The following PTCHD4 variants were observed in gnomAD, a reference collection of about 807,000 sequenced individuals.
PTCHD4 encodes the protein patched domain-containing protein 4.
Under a neutral mutation model 58.1 loss-of-function variants are expected in PTCHD4, and 33 were observed. The observed-to-expected ratio is 0.57, with a 90% confidence interval of 0.43 to 0.76. The LOEUF (loss-of-function observed/expected upper bound fraction) is 0.76, where lower values mean the gene tolerates loss of function less well. PTCHD4 is among the 30% of genes least tolerant of loss of function. The probability of loss-of-function intolerance (pLI) is 0.00; values close to 1 mark genes in which losing one functional copy is unlikely to be tolerated. For missense variants in PTCHD4, 1,058 were observed against 1,027.1 expected, an observed-to-expected ratio of 1.03 and a Z score of -0.41; for synonymous variants, 478 against 409.6, an observed-to-expected ratio of 1.17 and a Z score of -2.02.
chr6:48,003,550 T>C (rs1768821296), intron 4 of PTCHD4, among the ~76,000 whole-genome samples: 1 of 152,212 alleles, frequency 6.6e-6, no homozygotes, highest in Admixed American at 6.5e-5. Flanking sequence ...ACATCACCAT[T>C]ATATCCCACG....
intron 4 of PTCHD4, among the ~76,000 whole-genome samples, chr6:47,916,632 C>G (rs571523617): frequency 2.0e-5 from 3 of 151,836 alleles, no homozygotes; most frequent in Non-Finnish European, 4.4e-5. Context: ...TTCTGAACCC[C>G]CAGTTCAGAC....
intron 4 of PTCHD4, among the ~76,000 whole-genome samples, chr6:47,998,443 A>G (rs1048878532): frequency 6.6e-6 from 1 of 152,218 alleles, no homozygotes; most frequent in Non-Finnish European, 1.5e-5. Flanking sequence ...GCTACTCTCA[A>G]GATAAACAAG....
Position 48,099,225 on chromosome 6 carries a change from C to G in PTCHD4, c.-970+11824G>C, listed in dbSNP as rs117447691. 7.9e-5 allele frequency among the ~76,000 whole-genome samples: 12 copies of G among 152,312 alleles called. No homozygotes were observed. The East Asian group carries it at 2.3e-3, about 29-fold the overall frequency. On this transcript the variant is annotated intron_variant, in intron 1 of 4. Coordinates refer to ENST00000339488, the MANE Select transcript of PTCHD4 (RefSeq NM_001384253.1). ...TCCAAATAGTGGTCGCCAGCCTGCACAATTCCAGCCCTTAAAGGGATACCT... is the reference window on the plus strand; with the variant it reads ...TCCAAATAGTGGTCGCCAGCCTGCAGAATTCCAGCCCTTAAAGGGATACCT...
At chr6:47,983,476 T>C (rs1767957467) in intron 4 of PTCHD4, among the ~76,000 whole-genome samples, 1 of 152,174 alleles carries the variant, frequency 6.6e-6, no homozygotes, top group African/African-American at 2.4e-5. Flanking sequence ...TAAAACAGTT[T>C]TGAAAAAAAG....
intron 4 of PTCHD4, among the ~76,000 whole-genome samples, chr6:47,966,044 T>C (rs1175867705): frequency 1.3e-5 from 2 of 152,226 alleles, no homozygotes; most frequent in Admixed American, 6.5e-5. Context: ...AAGAGATAGA[T>C]GACATACTTC....
In PTCHD4 at chr6:47,863,956, C is replaced by T. The variant is rs145728495; in HGVS notation, c.*14347G>A. Among the ~76,000 whole-genome samples, 8 of 152,128 alleles carry T rather than the reference C, an allele frequency of 5.3e-5. No homozygotes were observed. Among genetic ancestry groups the T allele is most frequent in the African/African-American group, 1.2e-4 (5 of 41,546 alleles). ...TTCTTCAAACTGGAATGTCTTTGCACTCTTCAACTATGCAGCCTTTCAGGC... is the reference window on the plus strand; with the variant it reads ...TTCTTCAAACTGGAATGTCTTTGCATTCTTCAACTATGCAGCCTTTCAGGC... On this transcript the variant is annotated 3_prime_UTR_variant, in exon 5 of 5. Coordinates refer to ENST00000339488, the MANE Select transcript of PTCHD4 (RefSeq NM_001384253.1).
chr6:48,055,167 C>A (rs764716724), intron 3 of PTCHD4, among the ~76,000 whole-genome samples: 1 of 152,066 alleles, frequency 6.6e-6, no homozygotes, highest in Non-Finnish European at 1.5e-5. Flanking sequence ...AGGATCCACC[C>A]AGTAAAAACA....
intron 4 of PTCHD4, among the ~76,000 whole-genome samples, chr6:47,989,948 G>A (rs1273350159): frequency 1.3e-5 from 2 of 152,144 alleles, no homozygotes; most frequent in East Asian, 3.9e-4. Flanking sequence ...TTCAATGACA[G>A]CCCACAAAAG....
chr6:48,066,656 A>G lies in PTCHD4; in HGVS notation c.417+1574T>C, dbSNP rs373423851. 6.6e-5 allele frequency among the ~76,000 whole-genome samples: 10 copies of G among 152,322 alleles called. No homozygotes were observed. In the South Asian group the frequency reaches 1.7e-3, roughly 25 times the overall value. The stretch of plus-strand genomic sequence containing the variant: ...CACATCCAACATGCTCCCATCAATA[A>G]GTTTGAAGCAGGCAAACCCTAACCT... On this transcript the variant is annotated intron_variant, in intron 3 of 4. Coordinates refer to ENST00000339488, the MANE Select transcript of PTCHD4 (RefSeq NM_001384253.1).
intron 4 of PTCHD4, among the ~76,000 whole-genome samples, chr6:47,955,747 T>C (rs1251133719): frequency 6.6e-6 from 1 of 152,218 alleles, no homozygotes; most frequent in Non-Finnish European, 1.5e-5. Context: ...ATGTATAACC[T>C]GGGCCATAAT....
chr6:47,923,626 CA>C (rs1171699484), intron 4 of PTCHD4, among the ~76,000 whole-genome samples: 1 of 152,102 alleles, frequency 6.6e-6, no homozygotes, highest in Non-Finnish European at 1.5e-5. Context: ...TTTCTTGTTC[CA>C]AATGCAAAGA....
At chr6:47,909,138 A>T (rs1764988803) in intron 4 of PTCHD4, among the ~76,000 whole-genome samples, 1 of 152,150 alleles carries the variant, frequency 6.6e-6, no homozygotes, top group Non-Finnish European at 1.5e-5. Context: ...AGGAGGGTCA[A>T]AATAAATCTA....
chr6:47,867,774 A>G lies in PTCHD4; in HGVS notation c.*10529T>C, dbSNP rs758376951. ...AATTCCTTCCTTACTTTCCTTGAAT[A>G]CTCCAGCTGCAAATTTCCTCAACAG... On this transcript the variant is annotated 3_prime_UTR_variant, in exon 5 of 5. Transcript: ENST00000339488. Among the ~76,000 whole-genome samples, 30 of 151,774 alleles carry G rather than the reference A, an allele frequency of 2.0e-4. No homozygotes were observed. The highest frequency in any genetic ancestry group is 7.9e-4 in the Admixed American group (12 of 15,202).
At chr6:47,990,444 G>A (rs113914002) in intron 4 of PTCHD4, among the ~76,000 whole-genome samples, 8,785 of 152,218 alleles carry the variant, frequency 0.058, 421 homozygotes, top group African/African-American at 0.13. Flanking sequence ...ATTCCCACAT[G>A]TTGTGGGAGG....
intron 1 of PTCHD4, among the ~76,000 whole-genome samples, chr6:48,081,500 A>G (rs1283208534): frequency 6.6e-6 from 1 of 152,192 alleles, no homozygotes; most frequent in African/African-American, 2.4e-5. Flanking sequence ...GGGATAATAA[A>G]AGCTCACACC....
chr6:47,945,619 AT>A (rs1176474717), intron 4 of PTCHD4, among the ~76,000 whole-genome samples: 1 of 151,912 alleles, frequency 6.6e-6, no homozygotes, highest in African/African-American at 2.4e-5. Context: ...TGCAAAAGAT[AT>A]TTTTTTGAGA....
At chr6:47,991,609 G>A (rs978328611) in intron 4 of PTCHD4, among the ~76,000 whole-genome samples, 10 of 151,858 alleles carry the variant, frequency 6.6e-5, no homozygotes, top group Non-Finnish European at 1.3e-4. Flanking sequence ...AAGAAATAAC[G>A]AGGTCTAATG....
At chr6:48,059,056 C>G (rs976607641) in intron 3 of PTCHD4, among the ~76,000 whole-genome samples, 22 of 152,176 alleles carry the variant, frequency 1.4e-4, no homozygotes, top group Admixed American at 1.4e-3. Context: ...AAGAACTTAA[C>G]CCACTAGCAT....
At chr6:47,969,624 C>A (rs971615611) in intron 4 of PTCHD4, among the ~76,000 whole-genome samples, 1 of 151,190 alleles carries the variant, frequency 6.6e-6, no homozygotes, top group East Asian at 1.9e-4. Flanking sequence ...TAAAAAATGA[C>A]CCCCCCCAAA....
Sources: gnomAD v4.1 joint callset for allele counts (sites outside exome capture counted in the v4.1 genomes callset) on GRCh38, gnomAD v4.1.1 for gene constraint, MANE v1.5 for transcripts, NCBI Gene and HGNC (gene_info 2026-07-23, HGNC 2026-07-21) for gene names.